The following FOXJ3 variants were observed in gnomAD, a reference collection of about 807,000 sequenced individuals.
FOXJ3 encodes the protein forkhead box protein J3.
In FOXJ3, 22 loss-of-function variants were observed where a neutral mutation model predicts 76.1. The ratio of observed to expected loss-of-function variants is 0.29; its 90% confidence interval spans 0.21 to 0.41. The LOEUF (loss-of-function observed/expected upper bound fraction) is 0.41. FOXJ3 is among the 10% of genes least tolerant of loss of function. The pLI, the probability that FOXJ3 is intolerant of heterozygous loss-of-function variation, is 1.00. For synonymous variants in FOXJ3, 269 were observed against 261.2 expected, an observed-to-expected ratio of 1.03 and a Z score of -0.29; for missense variants, 613 against 762.1, an observed-to-expected ratio of 0.80 and a Z score of 2.30.
At position 42,187,047 on chromosome 1, in the gene FOXJ3, C is replaced by T. The variant is rs563466346; in HGVS notation, c.1645+1690G>A. Among the ~76,000 whole-genome samples the T allele has an allele frequency of 6.6e-5, 10 of 152,218 alleles. 1 individual carries two copies. The South Asian group carries it at 1.9e-3, about 28-fold the overall frequency. ...ATTTTTAGTAGAGACGGGGTTTCGC[C>T]ATGTTGGCCAGGCTGGTCTCGAACT... On this transcript the variant is annotated intron_variant, in intron 11 of 12. Coordinates refer to ENST00000361346, the MANE Select transcript of FOXJ3 (RefSeq NM_014947.5).
In FOXJ3 at chr1:42,191,663, G is replaced by C. The variant is rs749439459; in HGVS notation, c.991C>G (p.Gln331Glu). Residue 331 changes from glutamine to glutamate, a missense_variant, in exon 9 of 13, where the codon CAG becomes GAG. Physicochemically the swap from Gln to Glu is conservative, Grantham distance 29. Transcript: ENST00000361346. ...CTCACTGTACTGCTGGGAGAGTGCTGATAGGTACATGAAGTGTGGGACTGC... is the reference window on the plus strand; with the variant it reads ...CTCACTGTACTGCTGGGAGAGTGCTCATAGGTACATGAAGTGTGGGACTGC... ...SQQSHTSCTY[Q>E]HSPSSTVSTH... The C allele has an allele frequency of 1.6e-5, 26 of 1,614,054 alleles. No individual in the cohort carries two copies. The Admixed American group carries it at 4.0e-4, about 25-fold the overall frequency.
chr1:42,189,294 A>C lies in FOXJ3; in HGVS notation c.1453+9T>G, dbSNP rs1342390680. 6.4e-7 allele frequency: 1 copy of C among 1,573,988 alleles called. No homozygotes were observed. Among genetic ancestry groups the C allele is most frequent in the Non-Finnish European group, 8.7e-7 (1 of 1,143,810 alleles). On this transcript the variant is annotated intron_variant, in intron 10 of 12. Coordinates refer to ENST00000361346, the MANE Select transcript of FOXJ3 (RefSeq NM_014947.5). ...ATTTGGTTATATGTCAAAAAGAACC[A>C]ACACTCACCTTGAAACTGTGAAAGG...
intron 2 of FOXJ3, among the ~76,000 whole-genome samples, chr1:42,291,083 T>TAGATAGACAGACAGACAGACAGACAGAC (rs1553167260): frequency 2.8e-4 from 36 of 126,448 alleles, no homozygotes; most frequent in East Asian, 4.7e-4. Flanking sequence ...GATAGATAGA[T>TAGATAGACAGACAGACAGACAGACAGAC]AGACAGACAG....
chr1:42,331,238 G>A (rs144092123), intron 1 of FOXJ3, among the ~76,000 whole-genome samples: 201 of 152,094 alleles, frequency 1.3e-3, no homozygotes, highest in African/African-American at 4.4e-3. Flanking sequence ...AGAAATTAGC[G>A]GGGCATGGTG....
intron 3 of FOXJ3, among the ~76,000 whole-genome samples, chr1:42,268,005 A>G (rs897526550): frequency 1.3e-5 from 2 of 152,076 alleles, no homozygotes; most frequent in Non-Finnish European, 2.9e-5. Flanking sequence ...ATGCAATTAA[A>G]GTCCCAGAAG....
At chr1:42,195,868 C>A (rs1228182593) in intron 7 of FOXJ3, among the ~76,000 whole-genome samples, 2 of 152,238 alleles carry the variant, frequency 1.3e-5, no homozygotes, top group East Asian at 3.8e-4. Context: ...ATAGGCAAGG[C>A]TCCATGGCAG....
intron 11 of FOXJ3, among the ~76,000 whole-genome samples, chr1:42,186,212 TAAAAC>T (rs951292562): frequency 2.0e-5 from 3 of 151,952 alleles, no homozygotes; most frequent in Admixed American, 1.3e-4. Flanking sequence ...CACTGACACT[TAAAAC>T]AAGAGGAAGC....
chr1:42,201,833 A>G (rs1305085205), intron 6 of FOXJ3, among the ~76,000 whole-genome samples: 1 of 152,138 alleles, frequency 6.6e-6, no homozygotes, highest in Non-Finnish European at 1.5e-5. Flanking sequence ...AATTCCTTGA[A>G]GCTTGCTGGG....
chr1:42,296,876 T>G (rs1297180349), intron 2 of FOXJ3, among the ~76,000 whole-genome samples: 1 of 152,238 alleles, frequency 6.6e-6, no homozygotes, highest in African/African-American at 2.4e-5. Context: ...TCATTGAATC[T>G]GTAGATTGCT....
At chr1:42,221,713 T>TA (rs1647189759) in intron 5 of FOXJ3, among the ~76,000 whole-genome samples, 2 of 151,418 alleles carry the variant, frequency 1.3e-5, no homozygotes, top group African/African-American at 4.9e-5. Context: ...GATCCACTGC[T>TA]AAAAAACTAC....
At chr1:42,304,688 CCA>C (rs1212384981) in intron 2 of FOXJ3, among the ~76,000 whole-genome samples, 2 of 152,122 alleles carry the variant, frequency 1.3e-5, no homozygotes, top group Non-Finnish European at 2.9e-5. Flanking sequence ...AACTGGATAA[CCA>C]CATGCAGAAG....
At chr1:42,235,918 G>A in intron 4 of FOXJ3, among the ~76,000 whole-genome samples, 1 of 152,038 alleles carries the variant, frequency 6.6e-6, no homozygotes, top group East Asian at 1.9e-4. Flanking sequence ...AAACTCTTGG[G>A]CTCAAATGAT....
chr1:42,333,604 A>G (rs1046987889), intron 1 of FOXJ3, among the ~76,000 whole-genome samples: 11 of 152,182 alleles, frequency 7.2e-5, no homozygotes, highest in African/African-American at 2.7e-4. Flanking sequence ...CTGCTTTTCT[A>G]TAAATATTTG....
chr1:42,183,501 G>A (rs1031719238), intron 11 of FOXJ3, among the ~76,000 whole-genome samples: 1 of 151,782 alleles, frequency 6.6e-6, no homozygotes, highest in South Asian at 2.1e-4. Context: ...ACATCACAAT[G>A]CAAAAGAGAG....
chr1:42,329,167 A>G (rs1343734116), intron 1 of FOXJ3, among the ~76,000 whole-genome samples: 1 of 152,228 alleles, frequency 6.6e-6, no homozygotes, highest in East Asian at 1.9e-4. Context: ...GTTACTTAAA[A>G]TAAGTAGAAT....
At chr1:42,274,883 C>T (rs943182132) in intron 3 of FOXJ3, among the ~76,000 whole-genome samples, 6 of 149,646 alleles carry the variant, frequency 4.0e-5, no homozygotes, top group Admixed American at 2.7e-4. Context: ...AAAAAAAAGG[C>T]GGCGGGGGGG....
chr1:42,267,813 T>C (rs1651581638), intron 3 of FOXJ3, among the ~76,000 whole-genome samples: 1 of 151,826 alleles, frequency 6.6e-6, no homozygotes, highest in Non-Finnish European at 1.5e-5. Context: ...ATAAAAAACA[T>C]TAAACATGAT....
intron 5 of FOXJ3, among the ~76,000 whole-genome samples, chr1:42,213,108 A>G (rs1036110310): frequency 3.9e-5 from 6 of 152,226 alleles, no homozygotes; most frequent in African/African-American, 1.4e-4. Flanking sequence ...GTTGATGCGC[A>G]AAAGAATAGA....
intron 11 of FOXJ3, 104 bp downstream of exon 11, chr1:42,188,633 A>T (rs1646483430): frequency 1.6e-6 from 1 of 625,854 alleles, no homozygotes; most frequent in Non-Finnish European, 2.6e-6. Flanking sequence ...ATTTGTAAAC[A>T]GATCACTGTC....
Sources: gnomAD v4.1 joint callset for allele counts (sites outside exome capture counted in the v4.1 genomes callset) on GRCh38, gnomAD v4.1.1 for gene constraint, MANE v1.5 for transcripts, NCBI Gene and HGNC (gene_info 2026-07-23, HGNC 2026-07-21) for gene names.